The following SHROOM3 variants were observed in gnomAD, a reference collection of about 807,000 sequenced individuals.
SHROOM3 encodes shroom family member 3.
A neutral mutation model predicts 138.6 loss-of-function variants in SHROOM3; 47 were observed. The observed-to-expected ratio is 0.34, with a 90% CI of 0.27 to 0.43. The LOEUF is 0.43. SHROOM3 is among the 20% of genes least tolerant of loss of function. SHROOM3 has a pLI of 1.00. For missense variants in SHROOM3, 2,491 were observed against 2,596.5 expected (o/e 0.96, Z 0.88); for synonymous variants, 1,062 against 1,063.3 (o/e 1.00, Z 0.02).
At chr4:76,709,430 C>A (rs1429642334) in intron 2 of SHROOM3, among the ~76,000 whole-genome samples, 1 of 152,194 alleles carries the variant, frequency 6.6e-6, no homozygotes, top group East Asian at 1.9e-4. Flanking sequence ...AAATTCATGA[C>A]CTGTCACTGT....
At position 76,730,795 on chromosome 4, in the gene SHROOM3, T is replaced by G; in HGVS notation, c.456-9T>G. Reference sequence around the variant, plus strand: ...CTAATGTTGGGGGGTCCCTCCTGTGTCTCCCCAGGCGCAGTGAGCCTGCAG... The same window carrying G: ...CTAATGTTGGGGGGTCCCTCCTGTGGCTCCCCAGGCGCAGTGAGCCTGCAG... On this transcript the variant is annotated splice_polypyrimidine_tract_variant and intron_variant, in intron 3 of 10. Transcript: ENST00000296043. The G allele has an allele frequency of 5.0e-6, 8 of 1,613,772 alleles. No homozygotes were observed. The highest frequency in any genetic ancestry group is 5.9e-6 in the Non-Finnish European group (7 of 1,179,908).
At chr4:76,699,564 G>A (rs910733586) in intron 2 of SHROOM3, among the ~76,000 whole-genome samples, 1 of 152,174 alleles carries the variant, frequency 6.6e-6, no homozygotes, top group Non-Finnish European at 1.5e-5. Flanking sequence ...CTATAATAGG[G>A]TATGTATATA....
intron 1 of SHROOM3, among the ~76,000 whole-genome samples, chr4:76,511,550 C>G (rs1283288276): frequency 6.6e-6 from 1 of 152,112 alleles, no homozygotes; most frequent in East Asian, 1.9e-4. Flanking sequence ...GGAAAAATAC[C>G]CTTCAAGTTT....
chr4:76,487,276 A>T (rs182637693), intron 1 of SHROOM3, among the ~76,000 whole-genome samples: 1 of 152,090 alleles, frequency 6.6e-6, no homozygotes, highest in Non-Finnish European at 1.5e-5. Flanking sequence ...TCAGTACTTT[A>T]TTTCTTTTTT....
chr4:76,570,509 A>G lies in SHROOM3; in HGVS notation c.323+14746A>G, dbSNP rs184401112. On this transcript the variant is annotated intron_variant, in intron 2 of 10. Transcript: ENST00000296043. Reference sequence around the variant, plus strand: ...TGCCATTCCTCGTCACCTTTCCATCACTGTCTCAAAGTCAGGGGCAGAGGT... The same window carrying G: ...TGCCATTCCTCGTCACCTTTCCATCGCTGTCTCAAAGTCAGGGGCAGAGGT... 1.9e-3 allele frequency among the ~76,000 whole-genome samples: 288 copies of G among 152,064 alleles called. 1 individual carries two copies. Among genetic ancestry groups the G allele is most frequent in the Admixed American group, 3.7e-3 (56 of 15,274 alleles).
intron 2 of SHROOM3, chr4:76,637,556 GA>G (rs1440532742): frequency 6.6e-6 from 1 of 152,094 alleles, no homozygotes; most frequent in Non-Finnish European, 1.5e-5. Flanking sequence ...AATTTTTTGA[GA>G]AGAAGGCTAT....
At chr4:76,751,050 G>A (rs1721606333) in intron 6 of SHROOM3, among the ~76,000 whole-genome samples, 1 of 152,180 alleles carries the variant, frequency 6.6e-6, no homozygotes, top group Non-Finnish European at 1.5e-5. Context: ...GAAAACATGG[G>A]AGGGACTTGA....
intron 1 of SHROOM3, among the ~76,000 whole-genome samples, chr4:76,510,710 C>A (rs919085932): frequency 6.6e-6 from 1 of 152,072 alleles, no homozygotes; most frequent in Non-Finnish European, 1.5e-5. Flanking sequence ...ACTTCAATGG[C>A]CTTAGTTGTT....
intron 3 of SHROOM3, among the ~76,000 whole-genome samples, chr4:76,723,768 C>T (rs1029226448): frequency 6.6e-6 from 1 of 152,208 alleles, no homozygotes; most frequent in South Asian, 2.1e-4. Flanking sequence ...ATTAATAGTC[C>T]TGTATCATAA....
At chr4:76,639,684 T>TA (rs2110079840) in intron 2 of SHROOM3, 1 of 398,348 alleles carries the variant, frequency 2.5e-6, no homozygotes, top group African/African-American at 2.1e-5. Flanking sequence ...TATTAGCCAG[T>TA]ATTCCTGGGT....
intron 6 of SHROOM3, among the ~76,000 whole-genome samples, chr4:76,753,221 G>C (rs1270564514): frequency 6.6e-6 from 1 of 152,184 alleles, no homozygotes; most frequent in Non-Finnish European, 1.5e-5. Context: ...AGAGAGAGAG[G>C]TGGGCCCTTT....
intron 9 of SHROOM3, 87 bp downstream of exon 9, chr4:76,759,782 G>A (rs1328114804): frequency 9.3e-6 from 14 of 1,500,104 alleles, no homozygotes; most frequent in Non-Finnish European, 1.3e-5. Context: ...TGGGCCTCTT[G>A]AGGCAGGTGG....
rs974591145 is a variant in SHROOM3 at position 76,518,158 on chromosome 4, A to G, written c.169-37451A>G. Among the ~76,000 whole-genome samples, 12 of 151,814 alleles carry G rather than the reference A, an allele frequency of 7.9e-5. 1 individual carries two copies. Among genetic ancestry groups the G allele is most frequent in the Admixed American group, 2.6e-4 (4 of 15,198 alleles). ...ATTCCTAGTGGAGGGTGAGAGCTTG[A>G]CTCTTAAGAATCATATAAAATATCA... is the stretch of plus-strand genomic sequence containing the variant. On this transcript the variant is annotated intron_variant, in intron 1 of 10. Coordinates refer to ENST00000296043, the MANE Select transcript of SHROOM3 (RefSeq NM_020859.4).
intron 5 of SHROOM3, among the ~76,000 whole-genome samples, chr4:76,746,583 T>C (rs1262800438): frequency 6.6e-6 from 1 of 152,134 alleles, no homozygotes; most frequent in Non-Finnish European, 1.5e-5. Flanking sequence ...TCAGAACATA[T>C]CCCTGTTGTT....
intron 2 of SHROOM3, chr4:76,639,437 C>T (rs1476512905): frequency 5.1e-5 from 20 of 395,514 alleles, no homozygotes; most frequent in Middle Eastern, 1.3e-3. Flanking sequence ...TGCACCTACA[C>T]GGGGGAGTTC....
At chr4:76,603,531 G>A (rs563515618) in intron 2 of SHROOM3, among the ~76,000 whole-genome samples, 1 of 152,096 alleles carries the variant, frequency 6.6e-6, no homozygotes, top group South Asian at 2.1e-4. Context: ...TTTCTATGTA[G>A]TATGACCATA....
chr4:76,483,720 A>G (rs1340520904), intron 1 of SHROOM3, among the ~76,000 whole-genome samples: 1 of 152,236 alleles, frequency 6.6e-6, no homozygotes, highest in Non-Finnish European at 1.5e-5. Flanking sequence ...ACTATTCACA[A>G]TAGCAAAGAC....
chr4:76,651,040 C>T (rs1735944298), intron 2 of SHROOM3, among the ~76,000 whole-genome samples: 1 of 151,936 alleles, frequency 6.6e-6, no homozygotes, highest in African/African-American at 2.4e-5. Flanking sequence ...GAAAGACAAA[C>T]ATTGCATGTT....
At chr4:76,441,092 T>TG (rs199716080) in intron 1 of SHROOM3, among the ~76,000 whole-genome samples, 1 of 131,600 alleles carries the variant, frequency 7.6e-6, no homozygotes, top group African/African-American at 2.8e-5. Context: ...ATTTGTTTTT[T>TG]TTTTTTTTTT....
Sources: allele counts gnomAD v4.1 joint callset (sites outside exome capture counted in the v4.1 genomes callset), GRCh38; gene constraint gnomAD v4.1.1; transcripts MANE v1.5; gene names NCBI Gene and HGNC (gene_info 2026-07-23, HGNC 2026-07-21).